Variants in PTGER3 observed in about 807,000 individuals in gnomAD.
PTGER3 encodes prostaglandin E2 receptor EP3 subtype.
In PTGER3, 22 loss-of-function variants were observed where a neutral mutation model predicts 34.7. The observed-to-expected ratio is 0.63, with a 90% CI of 0.45 to 0.91. PTGER3 has a LOEUF of 0.91. PTGER3 is among the 40% of genes least tolerant of loss of function. The pLI is 0.00. For synonymous variants in PTGER3, 241 were observed against 230.1 expected, an observed-to-expected ratio of 1.05 and a Z score of -0.43; for missense variants, 468 against 519.4, an observed-to-expected ratio of 0.90 and a Z score of 0.96.
chr1:70,865,565 A>C (rs1461429033), intron 4 of PTGER3: 14 of 1,177,992 alleles, frequency 1.2e-5, no homozygotes, highest in Non-Finnish European at 1.5e-5. Context: ...ATCAGGCCAC[A>C]AAAAGATAGG....
intron 2 of PTGER3, among the ~76,000 whole-genome samples, chr1:70,956,258 T>C (rs551209328): frequency 6.6e-6 from 1 of 152,284 alleles, no homozygotes; most frequent in Admixed American, 6.5e-5. Context: ...AAGAAAATGA[T>C]TTGTCCAGCT....
At chr1:70,911,353 C>G (rs34170100) in intron 4 of PTGER3, among the ~76,000 whole-genome samples, 1 of 151,760 alleles carries the variant, frequency 6.6e-6, no homozygotes. Flanking sequence ...GTTTTCCAAT[C>G]CAAAAACTGG....
chr1:70,936,124 C>T (rs772117502), intron 4 of PTGER3, among the ~76,000 whole-genome samples: 1 of 152,134 alleles, frequency 6.6e-6, no homozygotes, highest in Non-Finnish European at 1.5e-5. Context: ...ATAATATGAG[C>T]TCTAAACTGT....
intron 4 of PTGER3, among the ~76,000 whole-genome samples, chr1:70,894,702 C>T (rs1351009797): frequency 6.6e-6 from 1 of 152,124 alleles, no homozygotes; most frequent in Non-Finnish European, 1.5e-5. Flanking sequence ...TTACTGTTTG[C>T]TTCTTGAAAG....
chr1:70,858,318 A>C (rs1357347807), intron 4 of PTGER3, among the ~76,000 whole-genome samples: 1 of 152,026 alleles, frequency 6.6e-6, no homozygotes, highest in Non-Finnish European at 1.5e-5. Flanking sequence ...ATCACTTTTA[A>C]ACTTCAGTTC....
intron 4 of PTGER3, chr1:70,852,877 C>T: frequency 6.2e-7 from 1 of 1,611,262 alleles, no homozygotes; most frequent in Non-Finnish European, 8.5e-7. Flanking sequence ...ACAAACAAAT[C>T]AATTAGGATA....
chr1:71,046,757 C>T lies in PTGER3; in HGVS notation c.821G>A (p.Gly274Asp), dbSNP rs1177329936. ...ATASQSSAQW[G>D]RITTETAIQL... ...AATGGCCGTCTCGGTCGTGATGCGG[C>T]CCCACTGGGCACTGGACTGAGATGC... The change falls in exon 1 of 4, where the codon GGC (glycine) becomes GAC (aspartate). Residue 274 changes from glycine to aspartate, a missense_variant. By Grantham distance (94) the Gly-to-Asp change is moderately conservative (BLOSUM62 -1). Around this residue, in one of 5 missense-constraint regions of PTGER3, gnomAD observed 204 missense variants for 230.8 expected, o/e 0.88. Coordinates refer to ENST00000306666, the MANE Select transcript of PTGER3 (RefSeq NM_198719.2). 4 of 1,613,092 alleles carry T rather than the reference C, an allele frequency of 2.5e-6. No individual in the cohort carries two copies. Among genetic ancestry groups the T allele is most frequent in the African/African-American group, 1.3e-5 (1 of 75,044 alleles).
chr1:70,923,476 T>G (rs1418903631), intron 4 of PTGER3, among the ~76,000 whole-genome samples: 3 of 152,180 alleles, frequency 2.0e-5, no homozygotes, highest in Admixed American at 2.0e-4. Context: ...AACTGTACAA[T>G]TCTAACAGGT....
At chr1:70,978,439 T>C (rs1167253255) in intron 2 of PTGER3, among the ~76,000 whole-genome samples, 1 of 152,068 alleles carries the variant, frequency 6.6e-6, no homozygotes, top group East Asian at 1.9e-4. Context: ...GTCAAATTAA[T>C]AAGCAAAACA....
chr1:70,971,930 C>T (rs953811153), intron 3 of PTGER3, among the ~76,000 whole-genome samples, 197 bp from the exon 4 acceptor site: 3 of 152,164 alleles, frequency 2.0e-5, no homozygotes, highest in Middle Eastern at 3.4e-3. Flanking sequence ...GTCAAATAAT[C>T]TTGTTGTAAA....
chr1:71,011,645 T>C (rs1490856465), intron 2 of PTGER3: 1 of 981,292 alleles, frequency 1.0e-6, no homozygotes, highest in Non-Finnish European at 1.2e-6. Flanking sequence ...CAAGTAAACT[T>C]AAACTTTGTT....
chr1:70,865,054 A>G (rs1646010599), intron 4 of PTGER3, among the ~76,000 whole-genome samples: 1 of 152,096 alleles, frequency 6.6e-6, no homozygotes, highest in South Asian at 2.1e-4. Context: ...GATAGGGAAA[A>G]CATTACAGGT....
intron 3 of PTGER3, among the ~76,000 whole-genome samples, chr1:70,972,237 C>T (rs1328861270): frequency 3.3e-5 from 5 of 152,122 alleles, no homozygotes; most frequent in East Asian, 1.9e-4. Flanking sequence ...GCAGGAGAAT[C>T]GCTTGAATCT....
chr1:70,921,169 T>TA (rs1218868008), intron 4 of PTGER3, among the ~76,000 whole-genome samples: 1 of 152,010 alleles, frequency 6.6e-6, no homozygotes, highest in Non-Finnish European at 1.5e-5. Flanking sequence ...TACCAGCAAT[T>TA]AAAAAAATTA....
chr1:71,047,596 A>T lies in PTGER3; in HGVS notation c.-19T>A, dbSNP rs950390881. ...CCTTCATGTTGGCTTCGAGGTGAGG[A>T]GGGGATGGCGTCCAGAGAGCCGCAG... On this transcript the variant is annotated 5_prime_UTR_variant, in exon 1 of 4. Coordinates refer to ENST00000306666, the MANE Select transcript of PTGER3 (RefSeq NM_198719.2). The T allele has an allele frequency of 3.3e-6, 5 of 1,508,278 alleles. No homozygotes were observed. The highest frequency in any genetic ancestry group is 3.6e-6 in the Non-Finnish European group (4 of 1,122,796). The allele number at this position is 1,508,278 out of a possible 1,614,324, so 93.4% of individuals were successfully genotyped here.
intron 2 of PTGER3, among the ~76,000 whole-genome samples, chr1:70,986,751 A>G (rs1358837500): frequency 6.6e-6 from 1 of 152,190 alleles, no homozygotes. Context: ...TCTCCTTCAC[A>G]CAGATGCCAT....
chr1:71,029,971 T>A (rs967532556), intron 1 of PTGER3, among the ~76,000 whole-genome samples: 1 of 119,418 alleles, frequency 8.4e-6, no homozygotes, highest in African/African-American at 3.6e-5. Context: ...ACAAAATAAG[T>A]AAATAAATAA....
chr1:70,989,165 G>T (rs1007992301), intron 2 of PTGER3, among the ~76,000 whole-genome samples: 1 of 152,120 alleles, frequency 6.6e-6, no homozygotes. Context: ...ACAGGAAAGC[G>T]CTCAGAACAG....
chr1:70,878,735 T>C (rs959420763), intron 4 of PTGER3, among the ~76,000 whole-genome samples: 13 of 152,298 alleles, frequency 8.5e-5, no homozygotes, highest in African/African-American at 3.1e-4. Context: ...TACACAAAAG[T>C]CATTCAGAAG....
Sources: gnomAD v4.1 joint callset for allele counts (sites outside exome capture counted in the v4.1 genomes callset) on GRCh38, gnomAD v4.1.1 for gene constraint, gnomAD v4.1.1 regional missense constraint, MANE v1.5 for transcripts, NCBI Gene and HGNC (gene_info 2026-07-23, HGNC 2026-07-21) for gene names.